Variants in CRTAC1 observed in about 807,000 individuals in gnomAD.
CRTAC1 encodes acidic secreted protein in cartilage.
A neutral mutation model predicts 67.8 loss-of-function variants in CRTAC1; 37 were observed. The observed-to-expected ratio is 0.55, with a 90% CI of 0.42 to 0.72. CRTAC1 has a LOEUF of 0.72. CRTAC1 is among the 30% of genes least tolerant of loss of function. The probability of loss-of-function intolerance (pLI) is 0.00; values close to 1 mark genes in which losing one functional copy is unlikely to be tolerated. For missense variants in CRTAC1, 780 were observed against 931.6 expected (o/e 0.84, Z 2.12); for synonymous variants, 348 against 371.0 (o/e 0.94, Z 0.71).
At chr10:97,912,347 C>A (rs991226096) in intron 5 of CRTAC1, among the ~76,000 whole-genome samples, 25 of 152,164 alleles carry the variant, frequency 1.6e-4, no homozygotes, top group African/African-American at 6.0e-4. Context: ...CTTCTGCTCA[C>A]CCTGCCCATC....
chr10:97,887,907 G>C (rs1183338411), intron 11 of CRTAC1, among the ~76,000 whole-genome samples: 1 of 152,266 alleles, frequency 6.6e-6, no homozygotes, highest in East Asian at 1.9e-4. Flanking sequence ...AACACTGACA[G>C]CGTGCCCCAA....
At position 97,913,526 on chromosome 10, in the gene CRTAC1, G is replaced by T. The variant is rs116714368; in HGVS notation, c.715+3974C>A. On this transcript the variant is annotated intron_variant, in intron 5 of 14. Coordinates refer to ENST00000370597, the MANE Select transcript of CRTAC1 (RefSeq NM_018058.7). ...GCTTGACATTTCTTTAAAATCTCTTGTGTTGAGAAAAATGCACACAAAAAT... is the reference window on the plus strand; with the variant it reads ...GCTTGACATTTCTTTAAAATCTCTTTTGTTGAGAAAAATGCACACAAAAAT... 3.7e-3 allele frequency among the ~76,000 whole-genome samples: 565 copies of T among 152,302 alleles called. 5 individuals carry two copies. The highest frequency in any genetic ancestry group is 0.013 in the African/African-American group (547 of 41,544).
intron 2 of CRTAC1, among the ~76,000 whole-genome samples, chr10:98,006,928 C>T (rs1842802171): frequency 6.6e-6 from 1 of 152,132 alleles, no homozygotes; most frequent in Admixed American, 6.5e-5. Context: ...AGTGAGTTGA[C>T]AATCAGACAG....
chr10:97,866,251 T>A (rs1053972781), intron 14 of CRTAC1: 1 of 153,398 alleles, frequency 6.5e-6, no homozygotes, highest in African/African-American at 2.4e-5. Context: ...GGTGCCGTGG[T>A]TGGGAGCTGT....
At chr10:97,897,025 G>C (rs1467967261) in intron 8 of CRTAC1, 34 bp from the exon 9 acceptor site, 3 of 1,497,218 alleles carry the variant, frequency 2.0e-6, no homozygotes, top group Non-Finnish European at 1.8e-6. Context: ...CTCTGGTGGG[G>C]TCTCAGAGGC....
intron 2 of CRTAC1, among the ~76,000 whole-genome samples, chr10:97,995,645 C>G (rs762008290): frequency 7.2e-5 from 11 of 152,118 alleles, no homozygotes; most frequent in Non-Finnish European, 1.6e-4. Flanking sequence ...CCATCCCACC[C>G]CACAGAAAAG....
intron 6 of CRTAC1, among the ~76,000 whole-genome samples, chr10:97,906,226 TA>T (rs1189214301): frequency 6.6e-6 from 1 of 152,126 alleles, no homozygotes; most frequent in Non-Finnish European, 1.5e-5. Context: ...CGCAGAGGAC[TA>T]GGGGCAGCCT....
chr10:97,930,526 A>T (rs2050988163), intron 3 of CRTAC1, among the ~76,000 whole-genome samples: 1 of 152,200 alleles, frequency 6.6e-6, no homozygotes, highest in African/African-American at 2.4e-5. Flanking sequence ...CTGGTTTTGG[A>T]GGTCTGGTGT....
chr10:97,895,333 G>A lies in CRTAC1; in HGVS notation c.1398C>T (p.Tyr466=). 6.2e-7 allele frequency: 1 copy of A among 1,613,864 alleles called. No homozygotes were observed. The highest frequency in any genetic ancestry group is 8.5e-7 in the Non-Finnish European group (1 of 1,179,974). ...AFARGAKVVL[Y]TKKSGAHLRI... is the part of the protein sequence containing the mutation. ...TCAGGTGGGCCCCACTCTTCTTGGT[G>A]TAGAGCACGACCTTAGCTCCCCTGG... Residue 466 remains tyrosine (Y), a synonymous_variant, in exon 11 of 15, where the codon TAC becomes TAT. Transcript: ENST00000370597. The surrounding 1 kb of genome is among the most constrained non-coding windows in gnomAD (Gnocchi z 4.2).
chr10:97,879,872 G>T (rs1035355665), intron 14 of CRTAC1: 6 of 1,203,842 alleles, frequency 5.0e-6, no homozygotes, highest in Admixed American at 2.6e-5. Flanking sequence ...GGGTGGGGGT[G>T]GAGGAAGGAG....
intron 3 of CRTAC1, among the ~76,000 whole-genome samples, chr10:97,935,390 C>T (rs1056591372): frequency 1.3e-5 from 2 of 152,192 alleles, no homozygotes; most frequent in African/African-American, 2.4e-5. Flanking sequence ...CATCAATTTC[C>T]GTCATCCATT....
At chr10:97,969,616 A>G (rs982852102) in intron 2 of CRTAC1, among the ~76,000 whole-genome samples, 39 of 152,286 alleles carry the variant, frequency 2.6e-4, no homozygotes, top group African/African-American at 9.1e-4. Flanking sequence ...GGGACCTCAG[A>G]TAGGAAGCTC....
At chr10:97,885,864 CATATA>C (rs1309622125) in intron 11 of CRTAC1, among the ~76,000 whole-genome samples, 1 of 152,244 alleles carries the variant, frequency 6.6e-6, no homozygotes, top group Non-Finnish European at 1.5e-5. Context: ...ATATCACCCA[CATATA>C]TGCACCATTA....
At chr10:97,906,182 G>A (rs913895205) in intron 6 of CRTAC1, among the ~76,000 whole-genome samples, 2 of 152,164 alleles carry the variant, frequency 1.3e-5, no homozygotes, top group Non-Finnish European at 2.9e-5. Context: ...GGAGGTGTGG[G>A]AAGAAGAGGC....
At chr10:97,928,791 T>C (rs1404693327) in intron 3 of CRTAC1, among the ~76,000 whole-genome samples, 4 of 151,766 alleles carry the variant, frequency 2.6e-5, no homozygotes, top group Admixed American at 6.6e-5. Context: ...AGAGGGGACA[T>C]TGAGTTTGCC....
At chr10:97,991,813 A>G (rs1434233928) in intron 2 of CRTAC1, among the ~76,000 whole-genome samples, 1 of 152,230 alleles carries the variant, frequency 6.6e-6, no homozygotes, top group Admixed American at 6.5e-5. Flanking sequence ...TTATTTTCCT[A>G]TGAAATGTTA....
intron 2 of CRTAC1, among the ~76,000 whole-genome samples, chr10:97,949,329 C>G (rs1448839474): frequency 3.3e-5 from 5 of 152,220 alleles, no homozygotes; most frequent in African/African-American, 1.2e-4. Flanking sequence ...AAGACAGACC[C>G]TGCACCAGGA....
At chr10:97,942,318 C>A (rs555253313) in intron 2 of CRTAC1, among the ~76,000 whole-genome samples, 50 of 152,310 alleles carry the variant, frequency 3.3e-4, no homozygotes, top group African/African-American at 1.2e-3. Flanking sequence ...AGAGATGAAG[C>A]CCGTGGAAGG....
At chr10:97,990,148 C>G (rs941740185) in intron 2 of CRTAC1, among the ~76,000 whole-genome samples, 2 of 152,198 alleles carry the variant, frequency 1.3e-5, no homozygotes, top group Non-Finnish European at 2.9e-5. Flanking sequence ...AGCCCATGCA[C>G]AGATGGATTC....
Sources: allele counts gnomAD v4.1 joint callset (sites outside exome capture counted in the v4.1 genomes callset), GRCh38; gene constraint gnomAD v4.1.1; non-coding constraint Gnocchi (gnomAD v3.1); transcripts MANE v1.5; gene names NCBI Gene and HGNC (gene_info 2026-07-23, HGNC 2026-07-21).